Variants in CYTH3 observed in about 807,000 individuals in gnomAD.
CYTH3 encodes the protein cytohesin 3, also known as cytohesin-3.
CYTH3 carries 23 observed loss-of-function variants against 55.1 expected under a neutral mutation model. The observed-to-expected ratio is 0.42, with a 90% confidence interval of 0.30 to 0.59. The LOEUF is 0.59. Among genes scored for constraint, CYTH3 ranks in the 20% least tolerant of loss-of-function variants. The pLI is 0.20. For missense variants in CYTH3, 413 were observed against 524.8 expected (o/e 0.79, Z 2.08); for synonymous variants, 249 against 194.9 (o/e 1.28, Z -2.31).
At position 6,222,489 on chromosome 7, in the gene CYTH3, G is replaced by A. The variant is rs1040316746; in HGVS notation, c.35-31958C>T. ...CTGAATCAATTTTGGCTGGGTGCCT[G>A]TAATCCCAGCACTCGGGGAGGCCAA... On this transcript the variant is annotated intron_variant, in intron 1 of 12. Transcript: ENST00000350796. 2.0e-5 allele frequency among the ~76,000 whole-genome samples: 3 copies of A among 152,270 alleles called. No homozygotes were observed. In the East Asian group the frequency reaches 5.8e-4, roughly 29 times the overall value.
At chr7:6,258,221 G>A (rs1378735179) in intron 1 of CYTH3, among the ~76,000 whole-genome samples, 1 of 151,704 alleles carries the variant, frequency 6.6e-6, no homozygotes, top group Admixed American at 6.6e-5. Context: ...GCTGAGGTGG[G>A]GGGATCACTG....
intron 1 of CYTH3, among the ~76,000 whole-genome samples, chr7:6,240,573 A>C (rs1779648030): frequency 6.6e-6 from 1 of 152,176 alleles, no homozygotes. Context: ...TATATGATAA[A>C]AGTGGCAAGG....
rs191539757 is a variant in CYTH3, at chr7:6,173,818, T to C, written c.369-85A>G. The C allele has an allele frequency of 5.5e-4, 443 of 809,754 alleles. 2 individuals carry two copies. In the African/African-American group the frequency reaches 5.9e-3, roughly 11 times the overall value. The allele number at this position is 809,754 out of a possible 1,614,324, so 50.2% of individuals were successfully genotyped here. On this transcript the variant is annotated intron_variant, in intron 5 of 12. Transcript: ENST00000350796. ...ATGCGGCTGATGAATAATGTGGCTA[T>C]GAACGTTCATGCACAAGTTTCTGCA...
intron 2 of CYTH3, among the ~76,000 whole-genome samples, chr7:6,189,731 G>T (rs771705887): frequency 6.6e-6 from 1 of 151,926 alleles, no homozygotes; most frequent in Admixed American, 6.6e-5. Flanking sequence ...AATGTTCTAG[G>T]TGCTAGAACA....
chr7:6,192,902 G>T (rs1783836089), intron 1 of CYTH3, among the ~76,000 whole-genome samples: 1 of 151,920 alleles, frequency 6.6e-6, no homozygotes, highest in South Asian at 2.1e-4. Flanking sequence ...CAGACACAGT[G>T]GCTCATGCCT....
At chr7:6,219,419 G>A (rs1784497529) in intron 1 of CYTH3, among the ~76,000 whole-genome samples, 1 of 152,242 alleles carries the variant, frequency 6.6e-6, no homozygotes, top group African/African-American at 2.4e-5. Flanking sequence ...AGCCTGCATG[G>A]ATTGCAAAAG....
rs752880303 is a variant in CYTH3, at chr7:6,170,658, G to T, written c.712-12C>A. ...CTCTCATACAAATTCTGCAAGGAGG[G>T]AAAACAGCAGCCAGTTCAGAGACTC... On this transcript the variant is annotated splice_polypyrimidine_tract_variant and intron_variant, in intron 8 of 12. Transcript: ENST00000350796. This position sits in a 1 kb window ranked among gnomAD's most constrained non-coding sequence, Gnocchi z 7.8. 2 of 1,610,954 alleles carry T rather than the reference G, an allele frequency of 1.2e-6. No individual in the cohort carries two copies. Among genetic ancestry groups the T allele is most frequent in the African/African-American group, 2.7e-5 (2 of 74,892 alleles).
At chr7:6,215,178 G>A (rs993773489) in intron 1 of CYTH3, among the ~76,000 whole-genome samples, 2 of 152,180 alleles carry the variant, frequency 1.3e-5, no homozygotes, top group Non-Finnish European at 2.9e-5. Context: ...TCGCAGCTGA[G>A]TAACACCAGA....
chr7:6,179,665 CCACA>C (rs1195329260), intron 4 of CYTH3, among the ~76,000 whole-genome samples: 12 of 96,302 alleles, frequency 1.2e-4, no homozygotes, highest in Admixed American at 4.1e-4. Context: ...CACACACACC[CCACA>C]CACACACCAC....
At chr7:6,239,957 T>C (rs1478783183) in intron 1 of CYTH3, among the ~76,000 whole-genome samples, 1 of 152,216 alleles carries the variant, frequency 6.6e-6, no homozygotes, top group East Asian at 1.9e-4. Flanking sequence ...AATCAGAAAC[T>C]GCAACATCAT....
At chr7:6,193,882 C>T (rs1783859639) in intron 1 of CYTH3, among the ~76,000 whole-genome samples, 1 of 152,160 alleles carries the variant, frequency 6.6e-6, no homozygotes, top group African/African-American at 2.4e-5. Flanking sequence ...CCGCCTTCTC[C>T]ACTGGGCTCC....
intron 1 of CYTH3, among the ~76,000 whole-genome samples, chr7:6,246,139 G>C (rs1246124264): frequency 6.6e-6 from 1 of 151,712 alleles, no homozygotes; most frequent in African/African-American, 2.4e-5. Context: ...GGAACGCAGA[G>C]ACATGATCAC....
intron 1 of CYTH3, among the ~76,000 whole-genome samples, chr7:6,270,208 A>G (rs1780615216): frequency 6.6e-6 from 1 of 152,262 alleles, no homozygotes; most frequent in Non-Finnish European, 1.5e-5. Context: ...AATAATTACA[A>G]TATCACTCAT....
intron 5 of CYTH3, among the ~76,000 whole-genome samples, chr7:6,176,149 A>G: frequency 6.6e-6 from 1 of 151,786 alleles, no homozygotes; most frequent in African/African-American, 2.4e-5. Context: ...CTTTTTTGTT[A>G]AATTTATCCT....
intron 1 of CYTH3, among the ~76,000 whole-genome samples, chr7:6,263,380 T>G (rs1780403932): frequency 2.0e-5 from 3 of 152,192 alleles, no homozygotes; most frequent in African/African-American, 7.2e-5. Context: ...AGCATGCCTA[T>G]AACTCACAAC....
At chr7:6,198,812 G>A (rs542663744) in intron 1 of CYTH3, among the ~76,000 whole-genome samples, 1 of 151,736 alleles carries the variant, frequency 6.6e-6, no homozygotes, top group South Asian at 2.1e-4. Flanking sequence ...GGAAATCACT[G>A]GTCTGGCATG....
At chr7:6,231,424 G>C (rs1409569960) in intron 1 of CYTH3, among the ~76,000 whole-genome samples, 1 of 152,176 alleles carries the variant, frequency 6.6e-6, no homozygotes, top group Non-Finnish European at 1.5e-5. Context: ...CTCAGATGAT[G>C]TCAAGACAGC....
At chr7:6,184,584 T>A (rs945731989) in intron 4 of CYTH3, among the ~76,000 whole-genome samples, 4 of 152,132 alleles carry the variant, frequency 2.6e-5, no homozygotes, top group Non-Finnish European at 5.9e-5. Context: ...ACTTTATTTA[T>A]TTACTTATTT....
intron 1 of CYTH3, among the ~76,000 whole-genome samples, chr7:6,201,785 T>C (rs1438260147): frequency 6.6e-6 from 1 of 152,156 alleles, no homozygotes; most frequent in African/African-American, 2.4e-5. Flanking sequence ...ACTTTAGACT[T>C]GTCAAGTTAA....
Sources: gnomAD v4.1 joint callset for allele counts (sites outside exome capture counted in the v4.1 genomes callset) on GRCh38, gnomAD v4.1.1 for gene constraint, Gnocchi (gnomAD v3.1) non-coding constraint, MANE v1.5 for transcripts, NCBI Gene and HGNC (gene_info 2026-07-23, HGNC 2026-07-21) for gene names.